The following LRGUK variants were observed in gnomAD, a reference collection of about 807,000 sequenced individuals.
The protein encoded by LRGUK is leucine rich repeats and guanylate kinase domain containing.
A neutral mutation model predicts 76.0 loss-of-function variants in LRGUK; 65 were observed. The observed-to-expected ratio is 0.85, with a 90% CI of 0.70 to 1.05. The LOEUF (loss-of-function observed/expected upper bound fraction) is 1.05. Ranked by LOEUF, LRGUK falls within the 50% of genes least tolerant of loss-of-function variation. The probability of loss-of-function intolerance (pLI) is 0.00; values close to 1 mark genes in which losing one functional copy is unlikely to be tolerated. For synonymous variants in LRGUK, 268 were observed against 265.6 expected (o/e 1.01, Z -0.09); for missense variants, 758 against 732.8 (o/e 1.03, Z -0.40).
intron 5 of LRGUK, among the ~76,000 whole-genome samples, chr7:134,150,264 G>A (rs541299072): frequency 1.4e-5 from 2 of 147,094 alleles, no homozygotes; most frequent in Admixed American, 6.8e-5. Flanking sequence ...TACAGAGCCC[G>A]AGACTCTGTC....
At chr7:134,145,049 A>G (rs1465990739) in intron 4 of LRGUK, among the ~76,000 whole-genome samples, 1 of 152,062 alleles carries the variant, frequency 6.6e-6, no homozygotes, top group Non-Finnish European at 1.5e-5. Flanking sequence ...GAAAGACCCT[A>G]CAAATGAACA....
chr7:134,163,522 C>T (rs1798844160), exon 7 of LRGUK: 2 of 1,612,632 alleles, frequency 1.2e-6, no homozygotes, highest in African/African-American at 1.3e-5. Context: ...TGGAAGTGAT[C>T]AACCTGGAGG....
chr7:134,162,769 G>A (rs528907915), intron 6 of LRGUK, among the ~76,000 whole-genome samples: 4 of 146,076 alleles, frequency 2.7e-5, no homozygotes, highest in Admixed American at 2.1e-4. Context: ...GGAGGTTGCA[G>A]TGAGCCGAGG....
intron 1 of LRGUK, among the ~76,000 whole-genome samples, chr7:134,130,281 C>A (rs528389353): frequency 6.6e-6 from 1 of 151,906 alleles, no homozygotes; most frequent in Admixed American, 6.5e-5. Flanking sequence ...ATGGTTTCCA[C>A]CAGCTTCCCC....
rs189868034 is a variant in LRGUK at position 134,145,744 on chromosome 7, C to T, written c.589-2494C>T. Among the ~76,000 whole-genome samples, 56 of 152,256 alleles carry T rather than the reference C, an allele frequency of 3.7e-4. 1 individual carries two copies. Among genetic ancestry groups the T allele is most frequent in the East Asian group, 7.7e-4 (4 of 5,168 alleles). The stretch of plus-strand genomic sequence containing the variant: ...TAAGTCAGGCTCATGTACTATGCTC[C>T]GCCATCTTGAGAAGCTCCACTTCCT... On this transcript the variant is annotated intron_variant, in intron 4 of 15. Coordinates refer to ENST00000645682, the Ensembl canonical transcript of LRGUK.
At chr7:134,177,582 GCAC>G (rs1799533970) in intron 9 of LRGUK, among the ~76,000 whole-genome samples, 1 of 152,144 alleles carries the variant, frequency 6.6e-6, no homozygotes, top group South Asian at 2.1e-4. Flanking sequence ...TTGAATGCTA[GCAC>G]CTGCCTCCCT....
intron 15 of LRGUK, among the ~76,000 whole-genome samples, chr7:134,215,403 G>A (rs1242450256): frequency 6.6e-6 from 1 of 152,088 alleles, no homozygotes; most frequent in East Asian, 1.9e-4. Flanking sequence ...CTTTGATGCT[G>A]TCCTTACTTG....
chr7:134,221,042 G>A (rs1016413733), intron 15 of LRGUK, among the ~76,000 whole-genome samples: 11 of 151,930 alleles, frequency 7.2e-5, no homozygotes, highest in African/African-American at 1.9e-4. Flanking sequence ...CTTAGTTTCC[G>A]CCTTACTATC....
chr7:134,243,084 C>G (rs1802205372), intron 16 of LRGUK, among the ~76,000 whole-genome samples: 1 of 152,114 alleles, frequency 6.6e-6, no homozygotes, highest in Non-Finnish European at 1.5e-5. Flanking sequence ...ATGACAAACC[C>G]ACAGCCAATA....
chr7:134,267,938 G>A (rs189497609), downstream of LRGUK, among the ~76,000 whole-genome samples: 33 of 151,834 alleles, frequency 2.2e-4, 1 homozygote, highest in East Asian at 6.2e-3. Context: ...AAAAAAATAT[G>A]TTGAACTGAA....
chr7:134,182,042 T>C (rs1297589654), intron 10 of LRGUK, among the ~76,000 whole-genome samples: 1 of 152,192 alleles, frequency 6.6e-6, no homozygotes, highest in Non-Finnish European at 1.5e-5. Context: ...CACTAATCTG[T>C]CCCTGTCTCT....
At chr7:134,140,176 G>T (rs2116835085) in intron 3 of LRGUK, among the ~76,000 whole-genome samples, 1 of 152,146 alleles carries the variant, frequency 6.6e-6, no homozygotes, top group East Asian at 1.9e-4. Context: ...CGTCATGTTG[G>T]CCAGGATGGT....
exon 16 of LRGUK, chr7:134,209,184 A>G: frequency 2.5e-6 from 1 of 399,282 alleles, no homozygotes; most frequent in African/African-American, 2.1e-5. Context: ...GGCCAGGACA[A>G]GGAGTCAGGG....
At chr7:134,254,787 C>CA (rs1802534020) in intron 18 of LRGUK, among the ~76,000 whole-genome samples, 1 of 152,006 alleles carries the variant, frequency 6.6e-6, no homozygotes, top group Non-Finnish European at 1.5e-5. Flanking sequence ...ACCTGAATGT[C>CA]AAAAAATAAC....
At chr7:134,229,132 T>C (rs747116310) in intron 16 of LRGUK, among the ~76,000 whole-genome samples, 38 of 152,142 alleles carry the variant, frequency 2.5e-4, no homozygotes, top group Non-Finnish European at 4.7e-4. Flanking sequence ...TCCCAGTACT[T>C]TGGGAGGCTG....
Position 134,243,570 on chromosome 7 carries a change from G to A in LRGUK, c.1984-3986G>A, listed in dbSNP as rs1039170497. Among the ~76,000 whole-genome samples, 19 of 151,966 alleles carry A rather than the reference G, an allele frequency of 1.3e-4. 1 individual carries two copies. The highest frequency in any genetic ancestry group is 4.1e-4 in the African/African-American group (17 of 41,378). On this transcript the variant is annotated intron_variant, in intron 16 of 19. Transcript: ENST00000285928. ...TAAAAGAGGACACAAACAAATGGAA[G>A]AACATTCCATGCTCATGGATAGGAA...
chr7:134,256,459 C>CAAA (rs34522132), intron 18 of LRGUK, among the ~76,000 whole-genome samples: 35 of 57,472 alleles, frequency 6.1e-4, no homozygotes, highest in African/African-American at 1.8e-3. Flanking sequence ...AACTCTGTCT[C>CAAA]AAAAAAAAAA....
At chr7:134,261,894 T>C (rs1360652262) in intron 19 of LRGUK, among the ~76,000 whole-genome samples, 1 of 152,238 alleles carries the variant, frequency 6.6e-6, no homozygotes, top group Non-Finnish European at 1.5e-5. Flanking sequence ...ATAAAATTTA[T>C]AAATCTGGCT....
chr7:134,145,227 T>C (rs1220809739), intron 4 of LRGUK, among the ~76,000 whole-genome samples: 1 of 151,972 alleles, frequency 6.6e-6, no homozygotes, highest in Non-Finnish European at 1.5e-5. Context: ...GGTGGCCTCC[T>C]GGTGTATGTT....
Sources: gnomAD v4.1 joint callset for allele counts (sites outside exome capture counted in the v4.1 genomes callset) on GRCh38, gnomAD v4.1.1 for gene constraint, MANE v1.5 for transcripts, NCBI Gene and HGNC (gene_info 2026-07-23, HGNC 2026-07-21) for gene names.